The following ANKRD54 variants were observed in gnomAD, a reference collection of about 807,000 sequenced individuals.
The protein encoded by ANKRD54 is ankyrin repeat domain 54.
In ANKRD54, 26 loss-of-function variants were observed where a neutral mutation model predicts 36.2. The ratio of observed to expected loss-of-function variants is 0.72; its 90% CI spans 0.53 to 1.00. ANKRD54 has a LOEUF of 1.00. Among genes scored for constraint, ANKRD54 ranks in the 50% least tolerant of loss-of-function variants. The probability of loss-of-function intolerance (pLI) is 0.00; values close to 1 mark genes in which losing one functional copy is unlikely to be tolerated. For synonymous variants in ANKRD54, 209 were observed against 188.4 expected, an observed-to-expected ratio of 1.11 and a Z score of -0.89; for missense variants, 384 against 424.3, an observed-to-expected ratio of 0.91 and a Z score of 0.83.
chr22:37,835,066 TAAAAAA>T lies in ANKRD54; in HGVS notation c.476-1317_476-1312del, dbSNP rs1432917983. On this transcript the variant is annotated intron_variant, in intron 3 of 7. Transcript: ENST00000215941. ...AGAGCGAGACTCTGTCTCCAAAAAA[TAAAAAA>T]TAAAATAGGCCAGGGCACAGGAGCT... is the stretch of plus-strand genomic sequence containing the variant. Among the ~76,000 whole-genome samples, 23 of 149,838 alleles carry T rather than the reference TAAAAAA, an allele frequency of 1.5e-4. No homozygotes were observed. The South Asian group carries it at 3.4e-3, about 22-fold the overall frequency.
chr22:37,842,533 C>A (rs1924405643), intron 1 of ANKRD54, among the ~76,000 whole-genome samples: 1 of 152,182 alleles, frequency 6.6e-6, no homozygotes, highest in South Asian at 2.1e-4. Context: ...CACAGATAAT[C>A]TTATATTCTC....
At position 37,832,682 on chromosome 22, in the gene ANKRD54, C is replaced by A. The variant is rs769751339; in HGVS notation, c.783G>T (p.Leu261=). The A allele has an allele frequency of 2.5e-6, 4 of 1,614,046 alleles. No homozygotes were observed. In the African/African-American group the frequency reaches 5.3e-5, roughly 22 times the overall value. Residue 261 remains leucine, a synonymous_variant, in exon 7 of 8, where the codon CTG becomes CTT. Transcript: ENST00000215941. ...RLGQHEQRER[L]DDLCTRLQMT... ...TCTGCAGGCGGGTGCAGAGGTCATC[C>A]AGGCGTTCTCGCTGCTCATGTTGCC...
upstream of ANKRD54, chr22:37,849,265 T>A (rs910462532): frequency 1.1e-5 from 8 of 728,302 alleles, no homozygotes; most frequent in Non-Finnish European, 4.9e-6. Context: ...CTGGTGGGGT[T>A]ACAGGTGTGA....
rs1169780577 is a variant in ANKRD54, at chr22:37,831,366, C to G, written c.*577G>C. 6.5e-6 allele frequency: 1 copy of G among 152,860 alleles called. No individual in the cohort carries two copies. The highest frequency in any genetic ancestry group is 2.4e-5 in the African/African-American group (1 of 41,428). The allele number at this position is 152,860 out of a possible 1,614,324, so 9.5% of individuals were successfully genotyped here. On this transcript the variant is annotated 3_prime_UTR_variant, in exon 8 of 8. Coordinates refer to ENST00000215941, the MANE Select transcript of ANKRD54 (RefSeq NM_138797.4). Reference sequence around the variant, plus strand: ...GTTGGAATTTTTTGCTTTGGGGTCCCTCTTAACCTTGTATTTTTAAGGTCT... The same window carrying G: ...GTTGGAATTTTTTGCTTTGGGGTCCGTCTTAACCTTGTATTTTTAAGGTCT...
At chr22:37,835,146 G>A (rs1042534966) in intron 3 of ANKRD54, among the ~76,000 whole-genome samples, 2 of 151,112 alleles carry the variant, frequency 1.3e-5, no homozygotes, top group Admixed American at 1.3e-4. Context: ...GTGGATCATC[G>A]GAGGTCAGGA....
At position 37,844,246 on chromosome 22, in the gene ANKRD54, G is replaced by A. The variant is rs769697757; in HGVS notation, c.-8C>T. 39 of 1,548,080 alleles carry A rather than the reference G, an allele frequency of 2.5e-5. No homozygotes were observed. The South Asian group carries it at 4.1e-4, about 16-fold the overall frequency. On this transcript the variant is annotated 5_prime_UTR_variant, in exon 1 of 8. Coordinates refer to ENST00000215941, the MANE Select transcript of ANKRD54 (RefSeq NM_138797.4). Reference sequence around the variant, plus strand: ...CCCGGCGGCGGCTGCCATGGCAACGGCTCCGCGCGGGCCTGGCCGCCTGAG... The same window carrying A: ...CCCGGCGGCGGCTGCCATGGCAACGACTCCGCGCGGGCCTGGCCGCCTGAG...
chr22:37,834,697 CAAAAAAAAAAAAAAAA>C (rs67811223), intron 3 of ANKRD54: 4 of 43,380 alleles, frequency 9.2e-5, no homozygotes, highest in Admixed American at 4.6e-4. Flanking sequence ...GACCCTGTCT[CAAAAAAAAAAAAAAAA>C]AAAAAAAAAA....
intron 3 of ANKRD54, chr22:37,834,497 C>T (rs1247716678): frequency 6.6e-6 from 1 of 151,676 alleles, no homozygotes; most frequent in Non-Finnish European, 1.5e-5. Context: ...GAGTTCAAGA[C>T]CAGCCTGGGC....
rs1328756234 is a variant in ANKRD54, at chr22:37,833,018, C to G, written c.660G>C (p.Leu220=). The change falls in exon 6 of 8, where the codon CTG becomes CTC. Residue 220 remains leucine (L), a synonymous_variant. Coordinates refer to ENST00000215941, the MANE Select transcript of ANKRD54 (RefSeq NM_138797.4). ...RTPLHLAKSK[L]NILQEGHAQC... ...GGGCATGGCCCTCCTGCAGGATATT[C>G]AGCTTTGACTTGGCCAGGTGCAGGG... The G allele has an allele frequency of 5.0e-6, 8 of 1,614,054 alleles. No homozygotes were observed. The Admixed American group carries it at 1.3e-4, about 27-fold the overall frequency.
In ANKRD54 at chr22:37,831,652, A is replaced by G. The variant is rs1922892089; in HGVS notation, c.*291T>C. On this transcript the variant is annotated 3_prime_UTR_variant, in exon 8 of 8. Transcript: ENST00000215941. ...TGGGGCAAGTGAGGTCTGCTGAGATAGCGCAGGTCTGCGGAGCTGAAGTGC... is the reference window on the plus strand; with the variant it reads ...TGGGGCAAGTGAGGTCTGCTGAGATGGCGCAGGTCTGCGGAGCTGAAGTGC... The G allele has an allele frequency of 4.4e-6, 2 of 450,450 alleles. No individual in the cohort carries two copies. The highest frequency in any genetic ancestry group is 5.8e-5 in the South Asian group (2 of 34,588). 27.9% of individuals were successfully genotyped at this position (450,450 alleles called of 1,614,324 possible).
chr22:37,841,082 G>GAAAAAAAAAAAAAAAAAAACAA (rs59447633), intron 1 of ANKRD54, among the ~76,000 whole-genome samples: 1 of 123,010 alleles, frequency 8.1e-6, no homozygotes, highest in Non-Finnish European at 1.7e-5. Context: ...ACTGTCTCAG[G>GAAAAAAAAAAAAAAAAAAACAA]AAAAAAAAAA....
intron 2 of ANKRD54, among the ~76,000 whole-genome samples, chr22:37,839,390 T>C (rs1236826611): frequency 2.0e-5 from 3 of 152,094 alleles, no homozygotes. Flanking sequence ...TTTTTTCTTA[T>C]GTTATTTATT....
upstream of ANKRD54, chr22:37,847,887 A>G (rs1924930603): frequency 1.7e-5 from 5 of 289,572 alleles, no homozygotes; most frequent in South Asian, 1.3e-4. Context: ...GCAATTCTCA[A>G]TAGGATGTTG....
Position 37,843,955 on chromosome 22 carries a change from G to T in ANKRD54, c.284C>A (p.Ala95Asp). The T allele has an allele frequency of 7.2e-7, 1 of 1,397,276 alleles. No homozygotes were observed. The highest frequency in any genetic ancestry group is 9.3e-7 in the Non-Finnish European group (1 of 1,078,188). The allele number at this position is 1,397,276 out of a possible 1,614,324, so 86.6% of individuals were successfully genotyped here. Residue 95 changes from alanine (A) to aspartate (D), a missense_variant, in exon 1 of 8, where the codon GCC (alanine) becomes GAC (aspartate). Around this residue, in one of 3 missense-constraint regions of ANKRD54, gnomAD observed 195 missense variants for 177.7 expected, o/e 1.10. Coordinates refer to ENST00000215941, the MANE Select transcript of ANKRD54 (RefSeq NM_138797.4). ...GGGCCCGAGCCGCCGGTGGGGCCTG[G>T]CAGCGCGCCTCAGCCGGCCAGCGGG... ...KIPAGRLRRA[A>D]RPHRRLGPTG...
rs1601724173 is a variant in ANKRD54 at position 37,836,528 on chromosome 22, T to C, written c.475+1972A>G. On this transcript the variant is annotated intron_variant, in intron 3 of 7. Coordinates refer to ENST00000215941, the MANE Select transcript of ANKRD54 (RefSeq NM_138797.4). ...AAGAGGATGTAAAAATGGTCAATAA[T>C]TGGACACAGGGAGGGGAACATCACA... is the stretch of plus-strand genomic sequence containing the variant. Among the ~76,000 whole-genome samples, 5 of 145,402 alleles carry C rather than the reference T, an allele frequency of 3.4e-5. No individual in the cohort carries two copies. In the Middle Eastern group the frequency reaches 0.019, roughly 543 times the overall value.
chr22:37,845,247 A>C (rs1924768632), upstream of ANKRD54, among the ~76,000 whole-genome samples: 1 of 152,208 alleles, frequency 6.6e-6, no homozygotes, highest in Admixed American at 6.5e-5. Flanking sequence ...TTCGACAGCC[A>C]GTCACTGAGC....
Position 37,844,334 on chromosome 22 carries a change from T to G in ANKRD54, c.-96A>C. ...GCCCTGAGTCGTGCTGTCAGCGAGC[T>G]GGCGGGCGGGCAGGGCCCGCAACCA... On this transcript the variant is annotated 5_prime_UTR_variant, in exon 1 of 8. Transcript: ENST00000215941. The G allele has an allele frequency of 7.1e-7, 1 of 1,402,834 alleles. No homozygotes were observed. Among genetic ancestry groups the G allele is most frequent in the Non-Finnish European group, 9.5e-7 (1 of 1,058,120 alleles). 86.9% of individuals were successfully genotyped at this position (1,402,834 alleles called of 1,614,324 possible). A position where few individuals can be genotyped will look rare whatever the true frequency, so the allele number is the denominator to read the frequency against.
chr22:37,831,964 C>T lies in ANKRD54; in HGVS notation c.882G>A (p.Met294Ile), dbSNP rs1285264300. Residue 294 changes from methionine to isoleucine, a missense_variant, in exon 8 of 8, where the codon ATG becomes ATA. Coordinates refer to ENST00000215941, the MANE Select transcript of ANKRD54 (RefSeq NM_138797.4). ...CTTGCTACCTCTTCTCCATGCTCTG[C>T]ATCTGCAGACTGAGGGAGGTGAAGC... ...LASFTSLSLQ[M>I]QSMEKR 6.2e-7 allele frequency: 1 copy of T among 1,613,684 alleles called. No homozygotes were observed. Among genetic ancestry groups the T allele is most frequent in the East Asian group, 2.2e-5 (1 of 44,874 alleles).
At chr22:37,833,662 T>C in intron 4 of ANKRD54, 22 bp downstream of exon 4, 1 of 1,613,258 alleles carries the variant, frequency 6.2e-7, no homozygotes, top group Non-Finnish European at 8.5e-7. Context: ...TGAGTTGTCT[T>C]AGTGACTTCT....
Sources: allele counts gnomAD v4.1 joint callset (sites outside exome capture counted in the v4.1 genomes callset), GRCh38; gene constraint gnomAD v4.1.1; regional missense constraint gnomAD v4.1.1; transcripts MANE v1.5; gene names NCBI Gene and HGNC (gene_info 2026-07-23, HGNC 2026-07-21).